ENOX2: variants seen among roughly 807,000 people sequenced by gnomAD.
ENOX2 encodes the protein ecto-NOX disulfide-thiol exchanger 2.
ENOX2 carries 36 observed loss-of-function variants against 45.0 expected under a neutral mutation model. The observed-to-expected ratio is 0.80, with a 90% CI of 0.61 to 1.06. ENOX2 has a LOEUF of 1.06. Among genes scored for constraint, ENOX2 ranks in the 50% least tolerant of loss-of-function variants. The probability of loss-of-function intolerance (pLI) is 0.00; values close to 1 mark genes in which losing one functional copy is unlikely to be tolerated. For synonymous variants in ENOX2, 174 were observed against 152.3 expected (o/e 1.14, Z -1.05); for missense variants, 423 against 462.5 (o/e 0.91, Z 0.78).
chrX:130,645,403 A>G (rs1248128577), intron 10 of ENOX2, among the ~76,000 whole-genome samples: 1 of 112,190 alleles, frequency 8.9e-6, no homozygotes. Context: ...GAGGTCAATA[A>G]CACTAGTTTC....
chrX:130,726,055 A>G (rs1158043759), intron 3 of ENOX2, among the ~76,000 whole-genome samples: 1 of 112,278 alleles, frequency 8.9e-6, no homozygotes, highest in Non-Finnish European at 1.9e-5. Context: ...GGAACATCGT[A>G]TATACCTTAC....
intron 3 of ENOX2, among the ~76,000 whole-genome samples, chrX:130,742,829 G>A (rs954142237): frequency 1.8e-5 from 2 of 112,143 alleles, no homozygotes; most frequent in African/African-American, 6.5e-5. Flanking sequence ...AGCCACTGCT[G>A]TACACTGTCT....
chrX:130,626,634 C>T (rs2035553354), intron 14 of ENOX2, among the ~76,000 whole-genome samples: 1 of 111,902 alleles, frequency 8.9e-6, no homozygotes, highest in African/African-American at 3.3e-5. Flanking sequence ...TTCCATCCTC[C>T]CCTTCACTGC....
intron 11 of ENOX2, among the ~76,000 whole-genome samples, chrX:130,636,506 C>T (rs761153678): frequency 8.9e-6 from 1 of 112,369 alleles, no homozygotes; most frequent in African/African-American, 3.2e-5. Flanking sequence ...CTCAGAGGCA[C>T]TACTCCTTTA....
At chrX:130,722,322 A>C (rs1018075663) in intron 3 of ENOX2, among the ~76,000 whole-genome samples, 4 of 111,956 alleles carry the variant, frequency 3.6e-5, no homozygotes, top group African/African-American at 1.3e-4. Flanking sequence ...GTCATTTGGG[A>C]AGAAATATTT....
chrX:130,828,346 T>C (rs1168620749), intron 2 of ENOX2, among the ~76,000 whole-genome samples: 1 of 111,936 alleles, frequency 8.9e-6, no homozygotes, highest in Non-Finnish European at 1.9e-5. Context: ...TTAATATTAG[T>C]CAGTCAGCTT....
At chrX:130,735,973 C>G (rs765510082) in intron 3 of ENOX2, among the ~76,000 whole-genome samples, 6 of 112,077 alleles carry the variant, frequency 5.4e-5, no homozygotes, top group Admixed American at 9.5e-5. Flanking sequence ...GAGGTTCTCT[C>G]TGGGTGTTGT....
At chrX:130,812,906 C>T (rs754585212) in intron 2 of ENOX2, among the ~76,000 whole-genome samples, 3 of 111,561 alleles carry the variant, frequency 2.7e-5, no homozygotes, top group Middle Eastern at 4.6e-3. Context: ...AAATGTACTA[C>T]AAAGCTATAG....
chrX:130,701,215 T>C (rs186042288), intron 4 of ENOX2, among the ~76,000 whole-genome samples: 1 of 111,435 alleles, frequency 9.0e-6, no homozygotes, highest in Admixed American at 9.6e-5. Flanking sequence ...ATATTTTTCC[T>C]GGGACTTTTA....
intron 3 of ENOX2, among the ~76,000 whole-genome samples, chrX:130,725,123 T>C (rs1470735268): frequency 9.0e-6 from 1 of 111,427 alleles, no homozygotes; most frequent in African/African-American, 3.3e-5. Flanking sequence ...CCTATAGAAA[T>C]ATTAACATAC....
At chrX:130,785,480 C>T (rs998928159) in intron 2 of ENOX2, among the ~76,000 whole-genome samples, 18 of 111,786 alleles carry the variant, frequency 1.6e-4, no homozygotes, top group African/African-American at 5.5e-4. Context: ...ACTTGTCAAA[C>T]ATTCTTCCTT....
At chrX:130,678,056 C>T (rs1446253818) in intron 6 of ENOX2, among the ~76,000 whole-genome samples, 1 of 108,293 alleles carries the variant, frequency 9.2e-6, no homozygotes, top group African/African-American at 3.4e-5. Context: ...CATTGCACTC[C>T]AGCCTGGGCG....
intron 3 of ENOX2, among the ~76,000 whole-genome samples, chrX:130,767,012 T>A (rs1044484962): frequency 9.0e-6 from 1 of 111,594 alleles, no homozygotes; most frequent in African/African-American, 3.2e-5. Flanking sequence ...CAATACTGGC[T>A]CTTACTCTAC....
intron 2 of ENOX2, among the ~76,000 whole-genome samples, chrX:130,802,397 G>A (rs1485705308): frequency 4.5e-5 from 5 of 112,271 alleles, no homozygotes; most frequent in African/African-American, 1.6e-4. Flanking sequence ...TGAAGCAGCC[G>A]CGAAAGAAGA....
intron 2 of ENOX2, among the ~76,000 whole-genome samples, chrX:130,852,097 A>C (rs768508626): frequency 4.4e-5 from 5 of 112,498 alleles, no homozygotes; most frequent in East Asian, 2.8e-4. Flanking sequence ...AAAAAAGAAG[A>C]AGCAAAGAAA....
chrX:130,627,464 C>T (rs2035577006), intron 14 of ENOX2, among the ~76,000 whole-genome samples: 1 of 110,427 alleles, frequency 9.1e-6, no homozygotes, highest in Non-Finnish European at 1.9e-5. Flanking sequence ...ATCTGTAGTC[C>T]CAGCTACTCA....
intron 2 of ENOX2, among the ~76,000 whole-genome samples, chrX:130,885,400 C>A (rs1235467379): frequency 2.7e-5 from 3 of 111,691 alleles, no homozygotes; most frequent in Non-Finnish European, 5.6e-5. Context: ...AAATGGAGAT[C>A]ATATCACTGA....
At chrX:130,644,567 A>G (rs1322505174) in intron 10 of ENOX2, among the ~76,000 whole-genome samples, 1 of 112,371 alleles carries the variant, frequency 8.9e-6, no homozygotes, top group Non-Finnish European at 1.9e-5. Context: ...GCTAAAAAGA[A>G]ATGAGCCATC....
At chrX:130,750,655 T>C (rs2039197461) in intron 3 of ENOX2, among the ~76,000 whole-genome samples, 1 of 111,628 alleles carries the variant, frequency 9.0e-6, no homozygotes, top group Non-Finnish European at 1.9e-5. Flanking sequence ...GTCAGTCTCT[T>C]TGTCTTGGTT....
Sources: allele counts gnomAD v4.1 joint callset (sites outside exome capture counted in the v4.1 genomes callset), GRCh38; gene constraint gnomAD v4.1.1; transcripts MANE v1.5; gene names NCBI Gene and HGNC (gene_info 2026-07-23, HGNC 2026-07-21).